The following CHST11 variants were observed in gnomAD, a reference collection of about 807,000 sequenced individuals.
The protein encoded by CHST11 is carbohydrate sulfotransferase 11.
A neutral mutation model predicts 30.4 loss-of-function variants in CHST11; 9 were observed. The observed-to-expected ratio is 0.30, with a 90% CI of 0.18 to 0.52. The LOEUF is 0.52. Among genes scored for constraint, CHST11 ranks in the 20% least tolerant of loss-of-function variants. CHST11 has a pLI of 0.97. For missense variants in CHST11, 348 were observed against 460.6 expected, an observed-to-expected ratio of 0.76 and a Z score of 2.24; for synonymous variants, 152 against 187.8, an observed-to-expected ratio of 0.81 and a Z score of 1.56.
intron 1 of CHST11, among the ~76,000 whole-genome samples, chr12:104,581,625 G>C (rs2038745152): frequency 6.6e-6 from 1 of 152,174 alleles, no homozygotes; most frequent in African/African-American, 2.4e-5. Context: ...GGAGGGTGGG[G>C]AGGGTCTTTC....
chr12:104,746,150 T>TGAGA (rs1453825648), intron 2 of CHST11, among the ~76,000 whole-genome samples: 1 of 152,176 alleles, frequency 6.6e-6, no homozygotes, highest in African/African-American at 2.4e-5. Context: ...ACGGTATCAG[T>TGAGA]GAGATCTATG....
chr12:104,723,199 G>T (rs531517378), intron 2 of CHST11, among the ~76,000 whole-genome samples: 19 of 152,260 alleles, frequency 1.2e-4, no homozygotes, highest in African/African-American at 4.6e-4. Context: ...GGCCCCTCAA[G>T]GACTGTATTT....
intron 2 of CHST11, among the ~76,000 whole-genome samples, chr12:104,686,275 A>G (rs564744489): frequency 1.9e-4 from 27 of 145,580 alleles, no homozygotes; most frequent in African/African-American, 5.5e-4. Context: ...CATAGGGTTG[A>G]CCTGACTTTT....
chr12:104,626,697 A>ATT (rs1018448780), intron 2 of CHST11, among the ~76,000 whole-genome samples: 1 of 144,756 alleles, frequency 6.9e-6, no homozygotes, highest in African/African-American at 2.5e-5. Context: ...AATAGACTTG[A>ATT]TTTTTTTTTT....
intron 2 of CHST11, among the ~76,000 whole-genome samples, chr12:104,675,595 A>G (rs1409277616): frequency 6.6e-6 from 1 of 152,230 alleles, no homozygotes; most frequent in Non-Finnish European, 1.5e-5. Flanking sequence ...CTCAGTGCCA[A>G]GTGCTTTGTT....
chr12:104,461,312 A>G (rs2037405707), intron 1 of CHST11, among the ~76,000 whole-genome samples: 1 of 152,176 alleles, frequency 6.6e-6, no homozygotes, highest in Non-Finnish European at 1.5e-5. Flanking sequence ...CATAGAACAG[A>G]CACCTTCTAT....
rs527621055 is a variant in CHST11, at chr12:104,757,268, G to A, written c.524G>A (p.Arg175His). The A allele has an allele frequency of 1.8e-4, 284 of 1,614,066 alleles. 2 individuals are homozygous for A. The highest frequency in any genetic ancestry group is 1.5e-3 in the Middle Eastern group (9 of 6,062). ...TACAGCATCCCAGAAATCAACCACC[G>A]CTTGAAAAGCTACATGAAGTTCCTG... ...NQYSIPEINH[R>H]LKSYMKFLFV... Residue 175 changes from arginine (R) to histidine (H), a missense_variant, in exon 3 of 3, where the codon CGC (arginine) becomes CAC (histidine). Around this residue, in one of 3 missense-constraint regions of CHST11, gnomAD observed 210 missense variants for 287.2 expected, o/e 0.73. Coordinates refer to ENST00000303694, the MANE Select transcript of CHST11 (RefSeq NM_018413.6). The surrounding 1 kb of genome is among the most constrained non-coding windows in gnomAD (Gnocchi z 6.5).
intron 2 of CHST11, among the ~76,000 whole-genome samples, chr12:104,670,712 A>G (rs2136095130): frequency 6.7e-6 from 1 of 149,026 alleles, no homozygotes; most frequent in South Asian, 2.1e-4. Context: ...CACATCATAC[A>G]TACACACCAC....
In CHST11 at chr12:104,457,372, G is replaced by C. The variant is rs1336880401; in HGVS notation, c.-40G>C. The C allele has an allele frequency of 1.3e-6, 2 of 1,513,340 alleles. No homozygotes were observed. Among genetic ancestry groups the C allele is most frequent in the Non-Finnish European group, 1.8e-6 (2 of 1,092,724 alleles). The allele number at this position is 1,513,340 out of a possible 1,614,324, so 93.7% of individuals were successfully genotyped here. A position where few individuals can be genotyped will look rare whatever the true frequency, so the allele number is the denominator to read the frequency against. On this transcript the variant is annotated 5_prime_UTR_variant, in exon 1 of 3. Coordinates refer to ENST00000303694, the MANE Select transcript of CHST11 (RefSeq NM_018413.6). ...GTCCCTGCTCCTGCGCCCCGGGCGC[G>C]CTTCCCGGACACCCCGGTCCCCGCA...
chr12:104,598,283 C>T (rs2038925634), intron 1 of CHST11, among the ~76,000 whole-genome samples: 1 of 152,148 alleles, frequency 6.6e-6, no homozygotes, highest in African/African-American at 2.4e-5. Flanking sequence ...AAACCAAAAG[C>T]CCCCAGTGGT....
At chr12:104,575,800 T>A (rs538685912) in intron 1 of CHST11, among the ~76,000 whole-genome samples, 2 of 152,254 alleles carry the variant, frequency 1.3e-5, no homozygotes, top group African/African-American at 4.8e-5. Context: ...GGGCCCGTCC[T>A]GCCCTTTCCT....
chr12:104,740,670 T>C (rs897828807), intron 2 of CHST11, among the ~76,000 whole-genome samples: 3 of 152,182 alleles, frequency 2.0e-5, no homozygotes, highest in African/African-American at 7.2e-5. Context: ...GCAAAATTAT[T>C]TGAAAGCTCT....
intron 2 of CHST11, among the ~76,000 whole-genome samples, chr12:104,731,082 T>C (rs929977696): frequency 6.6e-6 from 1 of 152,190 alleles, no homozygotes; most frequent in African/African-American, 2.4e-5. Context: ...GGCTGCCAGC[T>C]CCATTTCATC....
chr12:104,481,261 ACT>A (rs1328578727), intron 1 of CHST11, among the ~76,000 whole-genome samples: 1 of 151,634 alleles, frequency 6.6e-6, no homozygotes, highest in Non-Finnish European at 1.5e-5. Flanking sequence ...GACTTGCGCC[ACT>A]CTGCCTTCTT....
chr12:104,520,482 G>A (rs1213463298), intron 1 of CHST11, among the ~76,000 whole-genome samples: 1 of 152,042 alleles, frequency 6.6e-6, no homozygotes, highest in Non-Finnish European at 1.5e-5. Context: ...TTAGCCACTT[G>A]TGTAACCTTT....
At chr12:104,653,328 CT>C (rs2039511797) in intron 2 of CHST11, among the ~76,000 whole-genome samples, 1 of 152,180 alleles carries the variant, frequency 6.6e-6, no homozygotes, top group Non-Finnish European at 1.5e-5. Flanking sequence ...GGATTTCCGT[CT>C]TTGTAAGGTT....
chr12:104,519,674 G>C (rs1453216667), intron 1 of CHST11, among the ~76,000 whole-genome samples: 1 of 152,200 alleles, frequency 6.6e-6, no homozygotes, highest in African/African-American at 2.4e-5. Flanking sequence ...GGCCCTGCTT[G>C]ATGGATAATT....
At chr12:104,728,447 T>A (rs1362976889) in intron 2 of CHST11, among the ~76,000 whole-genome samples, 1 of 148,640 alleles carries the variant, frequency 6.7e-6, no homozygotes, top group Non-Finnish European at 1.5e-5. Flanking sequence ...AAACTCTTCC[T>A]TAAAAAAAAA....
At chr12:104,662,908 ATTTAG>A (rs1286114329) in intron 2 of CHST11, among the ~76,000 whole-genome samples, 1 of 152,216 alleles carries the variant, frequency 6.6e-6, no homozygotes, top group Non-Finnish European at 1.5e-5. Flanking sequence ...TTGATAAATG[ATTTAG>A]TTGAAATAGC....
Sources: allele counts gnomAD v4.1 joint callset (sites outside exome capture counted in the v4.1 genomes callset), GRCh38; gene constraint gnomAD v4.1.1; regional missense constraint gnomAD v4.1.1; non-coding constraint Gnocchi (gnomAD v3.1); transcripts MANE v1.5; gene names NCBI Gene and HGNC (gene_info 2026-07-23, HGNC 2026-07-21).